Variants in EYA2 observed in about 807,000 individuals in gnomAD.
EYA2 encodes EYA transcriptional coactivator and phosphatase 2.
EYA2 carries 31 observed loss-of-function variants against 69.2 expected under a neutral mutation model. That is an observed-to-expected ratio of 0.45 (90% confidence interval 0.34 to 0.60). The LOEUF is 0.60. Ranked by LOEUF, EYA2 falls within the 20% of genes least tolerant of loss-of-function variation. The pLI, the probability that EYA2 is intolerant of heterozygous loss-of-function variation, is 0.02. For synonymous variants in EYA2, 257 were observed against 279.4 expected (o/e 0.92, Z 0.80); for missense variants, 622 against 701.2 (o/e 0.89, Z 1.28).
intron 1 of EYA2, among the ~76,000 whole-genome samples, chr20:46,946,227 TC>T (rs1978445491): frequency 6.6e-6 from 1 of 152,174 alleles, no homozygotes; most frequent in South Asian, 2.1e-4. Flanking sequence ...GCTGCTTCCC[TC>T]CCTACTTCTA....
intron 15 of EYA2, among the ~76,000 whole-genome samples, chr20:47,185,750 G>T (rs2034627351): frequency 6.6e-6 from 1 of 152,198 alleles, no homozygotes; most frequent in Admixed American, 6.5e-5. Context: ...GTTCCCATAG[G>T]AGATGGTTTT....
intron 9 of EYA2, among the ~76,000 whole-genome samples, chr20:47,116,994 AT>A (rs11482114): frequency 0.029 from 3,439 of 116,930 alleles, 42 homozygotes; most frequent in Admixed American, 0.035. Flanking sequence ...ATGCATCTGC[AT>A]TTTTTTTTTT....
intron 5 of EYA2, among the ~76,000 whole-genome samples, chr20:47,046,207 G>A (rs569237048): frequency 4.7e-4 from 72 of 152,208 alleles, no homozygotes; most frequent in Non-Finnish European, 7.6e-4. Context: ...TTTATAAGGG[G>A]CTTCTTTTAT....
intron 15 of EYA2, 136 bp from the exon 16 acceptor site, chr20:47,187,916 CA>C: frequency 1.2e-6 from 1 of 816,056 alleles, no homozygotes; most frequent in East Asian, 2.7e-5. Flanking sequence ...CCAGCAACAT[CA>C]AGTGCCCCAT....
At chr20:47,124,011 G>T (rs377759389) in intron 9 of EYA2, among the ~76,000 whole-genome samples, 2 of 151,964 alleles carry the variant, frequency 1.3e-5, no homozygotes, top group Non-Finnish European at 2.9e-5. Context: ...GGAGTGGGGG[G>T]CCTAATGAAC....
At chr20:47,145,107 C>A in intron 10 of EYA2, among the ~76,000 whole-genome samples, 1 of 152,026 alleles carries the variant, frequency 6.6e-6, no homozygotes, top group Admixed American at 6.6e-5. Context: ...ATCTCTAGGG[C>A]CCAGGCAGTA....
chr20:47,173,100 C>T (rs912357427), intron 12 of EYA2, among the ~76,000 whole-genome samples: 4 of 152,110 alleles, frequency 2.6e-5, no homozygotes, highest in Non-Finnish European at 5.9e-5. Context: ...ATCCTTCAGG[C>T]CACAAATGGC....
intron 5 of EYA2, among the ~76,000 whole-genome samples, chr20:47,052,784 C>G (rs886272115): frequency 6.6e-6 from 1 of 151,938 alleles, no homozygotes; most frequent in African/African-American, 2.4e-5. Context: ...GTCACCATAC[C>G]CGGTTATTAT....
intron 5 of EYA2, among the ~76,000 whole-genome samples, chr20:47,031,688 A>G (rs1188773517): frequency 6.6e-6 from 1 of 152,110 alleles, no homozygotes; most frequent in Non-Finnish European, 1.5e-5. Context: ...TTCTTATTTC[A>G]TTTGTTTATC....
intron 1 of EYA2, among the ~76,000 whole-genome samples, chr20:46,914,778 C>T (rs1317801075): frequency 6.6e-6 from 1 of 152,162 alleles, no homozygotes; most frequent in Non-Finnish European, 1.5e-5. Context: ...AAGAAGAGTT[C>T]CTCTCTCAGA....
At chr20:47,001,388 A>C (rs781733936) in intron 2 of EYA2, 40 bp from the exon 3 acceptor site, 9 of 1,594,396 alleles carry the variant, frequency 5.6e-6, no homozygotes, top group Non-Finnish European at 7.7e-6. Flanking sequence ...ACATCACCCT[A>C]ATCGCTAAAA....
intron 10 of EYA2, among the ~76,000 whole-genome samples, chr20:47,146,312 C>T (rs1376512124): frequency 3.3e-5 from 5 of 152,158 alleles, no homozygotes; most frequent in African/African-American, 1.2e-4. Context: ...GGAATAGGCG[C>T]CTTGTGGATC....
chr20:47,024,498 T>TA (rs777169783), intron 5 of EYA2, among the ~76,000 whole-genome samples: 1 of 152,238 alleles, frequency 6.6e-6, no homozygotes, highest in Non-Finnish European at 1.5e-5. Flanking sequence ...GTAGTTTCCT[T>TA]ACACCCATGT....
chr20:47,019,355 A>G (rs938205092), intron 5 of EYA2, among the ~76,000 whole-genome samples: 2 of 152,248 alleles, frequency 1.3e-5, no homozygotes, highest in African/African-American at 4.8e-5. Flanking sequence ...GCTAATGGCT[A>G]TAAACTGCTC....
At chr20:46,932,081 G>C (rs1985693432) in intron 1 of EYA2, among the ~76,000 whole-genome samples, 2 of 151,588 alleles carry the variant, frequency 1.3e-5, no homozygotes, top group Admixed American at 1.3e-4. Flanking sequence ...GAATTTCAGA[G>C]GGTGGGGACA....
intron 15 of EYA2, among the ~76,000 whole-genome samples, 157 bp downstream of exon 15, chr20:47,183,548 A>T (rs535714749): frequency 7.9e-5 from 12 of 152,232 alleles, no homozygotes; most frequent in African/African-American, 2.6e-4. Context: ...TGCAAATTGC[A>T]GAAGCATCCT....
intron 4 of EYA2, among the ~76,000 whole-genome samples, chr20:47,005,436 C>A (rs543682176): frequency 6.6e-6 from 1 of 152,324 alleles, no homozygotes; most frequent in East Asian, 1.9e-4. Context: ...TCTTCAGATG[C>A]TCCCAGCAAG....
At chr20:47,134,895 A>G (rs1600732954) in intron 9 of EYA2, among the ~76,000 whole-genome samples, 1 of 152,136 alleles carries the variant, frequency 6.6e-6, no homozygotes, top group Non-Finnish European at 1.5e-5. Context: ...TGGGAGGCTG[A>G]GGCGGGCGGA....
chr20:46,945,554 A>T (rs1193699079), intron 1 of EYA2, among the ~76,000 whole-genome samples: 2 of 152,230 alleles, frequency 1.3e-5, no homozygotes, highest in Non-Finnish European at 2.9e-5. Flanking sequence ...AGGCTGCTAC[A>T]AATGCTATTA....
Sources: allele counts gnomAD v4.1 joint callset (sites outside exome capture counted in the v4.1 genomes callset), GRCh38; gene constraint gnomAD v4.1.1; transcripts MANE v1.5; gene names NCBI Gene and HGNC (gene_info 2026-07-23, HGNC 2026-07-21).